DNAH8: variants seen among roughly 807,000 people sequenced by gnomAD.
The protein encoded by DNAH8 is axonemal beta dynein heavy chain 8.
A neutral mutation model predicts 562.1 loss-of-function variants in DNAH8; 382 were observed. The ratio of observed to expected loss-of-function variants is 0.68; its 90% CI spans 0.63 to 0.74. DNAH8 has a LOEUF of 0.74. Ranked by LOEUF, DNAH8 falls within the 30% of genes least tolerant of loss-of-function variation. DNAH8 has a pLI of 0.00. For synonymous variants in DNAH8, 1,881 were observed against 1,919.4 expected, an observed-to-expected ratio of 0.98 and a Z score of 0.52; for missense variants, 5,203 against 5,620.4, an observed-to-expected ratio of 0.93 and a Z score of 2.37.
At chr6:38,935,297 T>A (rs1782859796) in intron 76 of DNAH8, among the ~76,000 whole-genome samples, 2 of 152,208 alleles carry the variant, frequency 1.3e-5, no homozygotes, top group South Asian at 4.1e-4. Flanking sequence ...ATTTATAAAC[T>A]TAAAGCTGGC....
At position 38,756,084 on chromosome 6, in the gene DNAH8, G is replaced by A; in HGVS notation, c.1515+5G>A. 1 of 1,496,460 alleles carries A rather than the reference G, an allele frequency of 6.7e-7. No individual in the cohort carries two copies. The highest frequency in any genetic ancestry group is 9.3e-7 in the Non-Finnish European group (1 of 1,073,828). 92.7% of individuals were successfully genotyped at this position (1,496,460 alleles called of 1,614,324 possible). ...ATGACCTCATTGTTTATCAAGGTAA[G>A]TTTCTGTGGGAGGAAATTACATGTC... On this transcript the variant is annotated splice_donor_5th_base_variant and intron_variant, in intron 10 of 92. Coordinates refer to ENST00000327475, the MANE Select transcript of DNAH8 (RefSeq NM_001206927.2).
chr6:38,823,097 C>T (rs952257760), intron 27 of DNAH8, 63 bp downstream of exon 27: 8 of 1,405,068 alleles, frequency 5.7e-6, no homozygotes, highest in African/African-American at 4.3e-5. Flanking sequence ...TGAGGGTGGA[C>T]CAGGAAAATA....
intron 1 of DNAH8, among the ~76,000 whole-genome samples, chr6:38,721,867 C>G (rs749773162): frequency 2.6e-5 from 4 of 152,178 alleles, no homozygotes; most frequent in African/African-American, 4.8e-5. Context: ...GAATTTCTCA[C>G]TAGAAACCTC....
intron 10 of DNAH8, among the ~76,000 whole-genome samples, chr6:38,758,615 A>G (rs1409005062): frequency 6.6e-6 from 1 of 151,656 alleles, no homozygotes; most frequent in East Asian, 1.9e-4. Context: ...CCAGTTTTCA[A>G]AGGGAATGCT....
chr6:38,960,371 C>T (rs1390326335), intron 82 of DNAH8, among the ~76,000 whole-genome samples: 1 of 149,738 alleles, frequency 6.7e-6, no homozygotes, highest in African/African-American at 2.5e-5. Flanking sequence ...ATGCATCTGA[C>T]AAGGTGTTAA....
At position 38,883,142 on chromosome 6, in the gene DNAH8, T is replaced by C; in HGVS notation, c.8001+90T>C. ...ATATTTTCTTCCAGCACTTTTATAG[T>C]ACACATTTTACATTTAAATCTGTAA... On this transcript the variant is annotated intron_variant, in intron 54 of 92. Coordinates refer to ENST00000327475, the MANE Select transcript of DNAH8 (RefSeq NM_001206927.2). 4.4e-6 allele frequency: 6 copies of C among 1,360,116 alleles called. 1 individual carries two copies. The South Asian group carries it at 8.2e-5, about 19-fold the overall frequency. The allele number at this position is 1,360,116 out of a possible 1,614,324, so 84.3% of individuals were successfully genotyped here.
chr6:38,832,195 A>G (rs1192079359), intron 30 of DNAH8, 127 bp from the exon 31 acceptor site: 9 of 622,024 alleles, frequency 1.4e-5, no homozygotes, highest in Non-Finnish European at 2.3e-5. Context: ...ATATTTTATT[A>G]CAAGCAAACA....
At chr6:38,993,017 C>T (rs1396277327) in intron 88 of DNAH8, among the ~76,000 whole-genome samples, 1 of 151,968 alleles carries the variant, frequency 6.6e-6, no homozygotes, top group Non-Finnish European at 1.5e-5. Flanking sequence ...ACATATATTT[C>T]TCTGTGTGTG....
intron 8 of DNAH8, chr6:38,744,056 C>A (rs1157068505): frequency 6.6e-6 from 1 of 152,042 alleles, no homozygotes; most frequent in Non-Finnish European, 1.5e-5. Context: ...TACTAATTAT[C>A]AGTTAAGTTA....
At chr6:38,805,683 A>C (rs1771209549) in intron 23 of DNAH8, 87 bp downstream of exon 23, 2 of 689,534 alleles carry the variant, frequency 2.9e-6, no homozygotes, top group Admixed American at 5.9e-5. Context: ...TTTTCCAGGC[A>C]GTTCTGCAAC....
At chr6:38,981,533 C>G (rs1051811990) in intron 85 of DNAH8, among the ~76,000 whole-genome samples, 14 of 152,178 alleles carry the variant, frequency 9.2e-5, no homozygotes, top group African/African-American at 3.1e-4. Flanking sequence ...TCAAGACAGA[C>G]ACGTCATGTA....
rs375631180 is a variant in DNAH8, at chr6:38,932,216, A to ACACACACACC, written c.11457+224_11457+225insACACACACCC. The stretch of plus-strand genomic sequence containing the variant: ...CACACACACACACACACACACACAC[A>ACACACACACC]CCCGTCTCTTTCTACTTCTGTCTTT... On this transcript the variant is annotated intron_variant, in intron 76 of 92. Transcript: ENST00000327475. 5.5e-3 allele frequency among the ~76,000 whole-genome samples: 807 copies of ACACACACACC among 145,676 alleles called. 9 individuals carry two copies. The highest frequency in any genetic ancestry group is 0.016 in the African/African-American group (582 of 37,292).
Position 38,818,537 on chromosome 6 carries a change from C to CAAAAAAAAAAAAAAAAAAAAAAAAAAA in DNAH8, c.3523+2896_3523+2897insAAAAAAAAAAAAAAAAAAAAAAAAAAA, listed in dbSNP as rs70981590. Among the ~76,000 whole-genome samples the CAAAAAAAAAAAAAAAAAAAAAAAAAAA allele has an allele frequency of 3.7e-4, 28 of 75,832 alleles. 3 individuals are homozygous for CAAAAAAAAAAAAAAAAAAAAAAAAAAA. The highest frequency in any genetic ancestry group is 1.4e-3 in the African/African-American group (23 of 16,114). The allele number at this position is 75,832 out of a possible 152,430, so 49.7% of individuals were successfully genotyped here. On this transcript the variant is annotated intron_variant, in intron 26 of 92. Transcript: ENST00000327475. ...CAAAATAAGAAAGCAAAAGCAAAAG[C>CAAAAAAAAAAAAAAAAAAAAAAAAAAA]AAAAAAAAAAAAAAAAGAAGATATG...
rs763714234 is a variant in DNAH8, at chr6:38,815,538, G to A, written c.3404G>A (p.Ser1135Asn). ...ATGATCCAGTTAACCCTGGAGGTCA[G>A]CAGAGGAGTGGCTCACTGGGGGCAA... ...NRMIQLTLEV[S>N]RGVAHWGQQQ... is the part of the protein sequence containing the mutation. Residue 1135 changes from serine to asparagine, a missense_variant, in exon 26 of 93, where the codon AGC (serine) becomes AAC (asparagine). Ser to Asn is a conservative substitution (Grantham distance 46). Around this residue, in one of 6 missense-constraint regions of DNAH8, gnomAD observed 2,176 missense variants for 2,365.1 expected, o/e 0.92. Coordinates refer to ENST00000327475, the MANE Select transcript of DNAH8 (RefSeq NM_001206927.2). The A allele has an allele frequency of 6.8e-6, 11 of 1,613,900 alleles. No individual in the cohort carries two copies. The African/African-American group carries it at 1.3e-4, about 20-fold the overall frequency.
intron 89 of DNAH8, among the ~76,000 whole-genome samples, chr6:39,011,111 A>G (rs1561973618): frequency 6.6e-6 from 1 of 152,028 alleles, no homozygotes; most frequent in Non-Finnish European, 1.5e-5. Flanking sequence ...TCAGTGTTAT[A>G]TCTCCTTCCC....
intron 91 of DNAH8, among the ~76,000 whole-genome samples, chr6:39,014,802 G>A (rs1766458965): frequency 6.6e-6 from 1 of 152,090 alleles, no homozygotes; most frequent in African/African-American, 2.4e-5. Context: ...GAATGAGGCT[G>A]GAGTATGAAA....
rs777594104 is a variant in DNAH8 at position 38,845,550 on chromosome 6, A to G, written c.4846-24A>G. ...AATTTGTAGTTGAAAACATCATGACATATACTTTGCTTTTCCTTCAAAGGA... is the reference window on the plus strand; with the variant it reads ...AATTTGTAGTTGAAAACATCATGACGTATACTTTGCTTTTCCTTCAAAGGA... On this transcript the variant is annotated intron_variant, in intron 35 of 92. Coordinates refer to ENST00000327475, the MANE Select transcript of DNAH8 (RefSeq NM_001206927.2). 11 of 1,591,036 alleles carry G rather than the reference A, an allele frequency of 6.9e-6. No homozygotes were observed. The African/African-American group carries it at 1.2e-4, about 17-fold the overall frequency.
chr6:38,983,787 G>C (rs9369099), intron 86 of DNAH8, among the ~76,000 whole-genome samples: 8 of 152,090 alleles, frequency 5.3e-5, no homozygotes, highest in Admixed American at 3.9e-4. Context: ...TGTTGTTCTC[G>C]TAATGATTCC....
intron 92 of DNAH8, among the ~76,000 whole-genome samples, chr6:39,029,870 AAATAACT>A (rs1767552487): frequency 6.6e-6 from 1 of 152,110 alleles, no homozygotes; most frequent in South Asian, 2.1e-4. Context: ...CCCCACACTT[AAATAACT>A]AATAACAAAC....
Sources: allele counts gnomAD v4.1 joint callset (sites outside exome capture counted in the v4.1 genomes callset), GRCh38; gene constraint gnomAD v4.1.1; regional missense constraint gnomAD v4.1.1; transcripts MANE v1.5; gene names NCBI Gene and HGNC (gene_info 2026-07-23, HGNC 2026-07-21).